Variants in SIPA1L1 observed in about 807,000 individuals in gnomAD.
The protein encoded by SIPA1L1 is signal-induced proliferation-associated 1-like protein 1.
Under a neutral mutation model 162.7 loss-of-function variants are expected in SIPA1L1, and 26 were observed. The ratio of observed to expected loss-of-function variants is 0.16; its 90% CI spans 0.12 to 0.22. The LOEUF is 0.22. SIPA1L1 is among the 10% of genes least tolerant of loss of function. SIPA1L1 has a pLI of 1.00. For missense variants in SIPA1L1, 1,874 were observed against 2,241.0 expected (o/e 0.84, Z 3.31); for synonymous variants, 829 against 837.4 (o/e 0.99, Z 0.17).
intron 2 of SIPA1L1, among the ~76,000 whole-genome samples, chr14:71,473,872 G>T (rs1179701140): frequency 6.6e-6 from 1 of 152,180 alleles, no homozygotes; most frequent in African/African-American, 2.4e-5. Context: ...TCATTAAGCT[G>T]TTCTAAGAAA....
chr14:71,381,757 G>GAT (rs1178630964), intron 2 of SIPA1L1, among the ~76,000 whole-genome samples: 6 of 152,130 alleles, frequency 3.9e-5, no homozygotes, highest in Non-Finnish European at 7.4e-5. Flanking sequence ...CTGTATTTCT[G>GAT]ATAGACTGTG....
intron 2 of SIPA1L1, among the ~76,000 whole-genome samples, chr14:71,496,872 C>A (rs2049829788): frequency 1.3e-5 from 2 of 152,126 alleles, no homozygotes; most frequent in African/African-American, 4.8e-5. Flanking sequence ...AAAAGAGAAT[C>A]CTTTAAAAAT....
intron 2 of SIPA1L1, among the ~76,000 whole-genome samples, chr14:71,487,539 G>A (rs1400527311): frequency 6.6e-6 from 1 of 152,190 alleles, no homozygotes; most frequent in East Asian, 1.9e-4. Context: ...TGTGTATGGT[G>A]TATAGGGCAT....
intron 2 of SIPA1L1, chr14:71,330,615 G>A (rs2034411934): frequency 1.0e-6 from 1 of 968,934 alleles, no homozygotes; most frequent in African/African-American, 1.6e-5. Context: ...TCTTCAGTGT[G>A]ATGGTTTGGG....
chr14:71,570,928 T>G (rs969382532), intron 4 of SIPA1L1, among the ~76,000 whole-genome samples: 1 of 152,142 alleles, frequency 6.6e-6, no homozygotes, highest in Non-Finnish European at 1.5e-5. Flanking sequence ...CCCAAGTAGC[T>G]GGGATTACAG....
chr14:71,368,294 A>G (rs1192757907), intron 2 of SIPA1L1, among the ~76,000 whole-genome samples: 28 of 140,824 alleles, frequency 2.0e-4, no homozygotes, highest in African/African-American at 5.0e-4. Flanking sequence ...ATATCTCCCA[A>G]TGCTATCCCT....
At chr14:71,665,266 T>C (rs1406319529) in intron 10 of SIPA1L1, among the ~76,000 whole-genome samples, 2 of 152,178 alleles carry the variant, frequency 1.3e-5, no homozygotes, top group East Asian at 1.9e-4. Flanking sequence ...GAAAAATCCC[T>C]ATAGTGGATC....
chr14:71,523,800 C>T (rs1291561903), intron 3 of SIPA1L1, among the ~76,000 whole-genome samples: 1 of 152,052 alleles, frequency 6.6e-6, no homozygotes, highest in African/African-American at 2.4e-5. Flanking sequence ...TTGTTTTATC[C>T]TATGGGTTAT....
chr14:71,446,894 G>GGTTTT (rs2045394010), intron 2 of SIPA1L1, among the ~76,000 whole-genome samples: 1 of 87,406 alleles, frequency 1.1e-5, no homozygotes, highest in African/African-American at 4.4e-5. Flanking sequence ...GATGGGCTCT[G>GGTTTT]TTTTTTTTTT....
At chr14:71,329,618 A>G (rs1196243350) in intron 2 of SIPA1L1, among the ~76,000 whole-genome samples, 1 of 152,074 alleles carries the variant, frequency 6.6e-6, no homozygotes, top group African/African-American at 2.4e-5. Flanking sequence ...AATTAAAAAA[A>G]CAATTTAAAT....
intron 13 of SIPA1L1, among the ~76,000 whole-genome samples, chr14:71,694,274 C>G (rs577353442): frequency 3.3e-5 from 5 of 152,020 alleles, no homozygotes; most frequent in African/African-American, 1.2e-4. Context: ...TCTTTTTTAG[C>G]CTGGTGTGCG....
chr14:71,708,015 G>GTTTTTTTTTTTTTTTTTTT (rs34838057), intron 16 of SIPA1L1, among the ~76,000 whole-genome samples: 1 of 100,294 alleles, frequency 1.0e-5, no homozygotes, highest in Non-Finnish European at 2.0e-5. Flanking sequence ...GTTTTTTGGT[G>GTTTTTTTTTTTTTTTTTTT]TTTTTTTTTT....
intron 11 of SIPA1L1, 99 bp from the exon 12 acceptor site, chr14:71,672,249 A>G (rs1014964975): frequency 4.2e-6 from 5 of 1,199,226 alleles, no homozygotes; most frequent in Non-Finnish European, 6.0e-6. Flanking sequence ...GCAATAAGGT[A>G]TTCAGAACTA....
intron 7 of SIPA1L1, among the ~76,000 whole-genome samples, chr14:71,649,189 ATTTTT>A (rs576399247): frequency 9.9e-5 from 13 of 131,136 alleles, no homozygotes; most frequent in Non-Finnish European, 3.3e-5. Context: ...TCAAAGTCCA[ATTTTT>A]TTTTTTTTTT....
chr14:71,451,151 A>G (rs192846295), intron 2 of SIPA1L1, among the ~76,000 whole-genome samples: 200 of 152,310 alleles, frequency 1.3e-3, no homozygotes, highest in African/African-American at 4.7e-3. Context: ...AAGCAGATAC[A>G]GAAAGACTGC....
chr14:71,586,498 CA>C lies in SIPA1L1; in HGVS notation c.-302-1070del, dbSNP rs2034627143. On this transcript the variant is annotated intron_variant, in intron 4 of 23. Coordinates refer to ENST00000381232, the MANE Select transcript of SIPA1L1 (RefSeq NM_001386936.1). ...CAGTGCTGGTTCAGCAGCATCTTTC[CA>C]AACATGTATTTGGCAAGAATTTAAA... The C allele has an allele frequency of 2.0e-5, 3 of 152,320 alleles. No homozygotes were observed. The South Asian group carries it at 6.2e-4, about 32-fold the overall frequency. 9.4% of individuals were successfully genotyped at this position (152,320 alleles called of 1,614,324 possible).
chr14:71,615,859 G>T (rs2038778283), intron 5 of SIPA1L1, among the ~76,000 whole-genome samples: 1 of 152,186 alleles, frequency 6.6e-6, no homozygotes, highest in Non-Finnish European at 1.5e-5. Context: ...AGCCGGGCAT[G>T]ATGGTGCACA....
At chr14:71,658,517 T>G in intron 9 of SIPA1L1, 81 bp downstream of exon 9, 1 of 914,180 alleles carries the variant, frequency 1.1e-6, no homozygotes, top group Non-Finnish European at 1.8e-6. Context: ...TGTAAAATCT[T>G]AAACCAGAAT....
intron 4 of SIPA1L1, among the ~76,000 whole-genome samples, chr14:71,539,061 C>T (rs2054149556): frequency 6.6e-6 from 1 of 152,120 alleles, no homozygotes; most frequent in Non-Finnish European, 1.5e-5. Context: ...TTTTGATTTC[C>T]TTCGTTTTTT....
Sources: gnomAD v4.1 joint callset for allele counts (sites outside exome capture counted in the v4.1 genomes callset) on GRCh38, gnomAD v4.1.1 for gene constraint, MANE v1.5 for transcripts, NCBI Gene and HGNC (gene_info 2026-07-23, HGNC 2026-07-21) for gene names.